ICOS: variants seen among roughly 807,000 people sequenced by gnomAD.
The protein encoded by ICOS is inducible T-cell costimulator.
ICOS carries 15 observed loss-of-function variants against 24.6 expected under a neutral mutation model. The observed-to-expected ratio is 0.61, with a 90% CI of 0.41 to 0.94. The LOEUF (loss-of-function observed/expected upper bound fraction) is 0.94, where lower values mean the gene tolerates loss of function less well. Ranked by LOEUF, ICOS falls within the 40% of genes least tolerant of loss-of-function variation. The pLI is 0.00. For missense variants in ICOS, 200 were observed against 233.0 expected, an observed-to-expected ratio of 0.86 and a Z score of 0.92; for synonymous variants, 89 against 77.5, an observed-to-expected ratio of 1.15 and a Z score of -0.78.
intron 1 of ICOS, among the ~76,000 whole-genome samples, chr2:203,938,646 C>T (rs1044569023): frequency 6.6e-6 from 1 of 152,162 alleles, no homozygotes; most frequent in East Asian, 1.9e-4. Context: ...CCAATTTGGG[C>T]AGTTCTGGTT....
At chr2:203,948,481 T>C (rs142869075) in intron 1 of ICOS, among the ~76,000 whole-genome samples, 1 of 152,352 alleles carries the variant, frequency 6.6e-6, no homozygotes, top group African/African-American at 2.4e-5. Context: ...ACCGTCTATA[T>C]ATTCATTTGT....
intron 1 of ICOS, among the ~76,000 whole-genome samples, chr2:203,943,791 A>T (rs562293533): frequency 1.3e-5 from 2 of 152,248 alleles, no homozygotes; most frequent in Admixed American, 1.3e-4. Context: ...GTCTGAGCTC[A>T]GACTCTCCTT....
At chr2:203,953,404 T>C (rs1380606537) in intron 1 of ICOS, among the ~76,000 whole-genome samples, 2 of 152,228 alleles carry the variant, frequency 1.3e-5, no homozygotes, top group African/African-American at 2.4e-5. Flanking sequence ...TTGTTCAACA[T>C]TTTTGGTTGT....
At chr2:203,940,602 G>C (rs1689749679) in intron 1 of ICOS, among the ~76,000 whole-genome samples, 1 of 151,458 alleles carries the variant, frequency 6.6e-6, no homozygotes, top group Non-Finnish European at 1.5e-5. Flanking sequence ...TTCCTCCACT[G>C]TCTGCTGGCT....
At chr2:203,945,878 G>A (rs553994372) in intron 1 of ICOS, among the ~76,000 whole-genome samples, 100 of 152,328 alleles carry the variant, frequency 6.6e-4, no homozygotes, top group Non-Finnish European at 9.6e-4. Flanking sequence ...GGAACTAGAA[G>A]TTTGGGCTGG....
Position 203,960,111 on chromosome 2 carries a change from T to C in ICOS, c.*512T>C, listed in dbSNP as rs577478606. ...AGCTATTTTATTTCTGAGATGTTGATGTGAACTGTACATTAGTACATACTC... is the reference window on the plus strand; with the variant it reads ...AGCTATTTTATTTCTGAGATGTTGACGTGAACTGTACATTAGTACATACTC... On this transcript the variant is annotated 3_prime_UTR_variant, in exon 5 of 5. Transcript: ENST00000316386. 8 of 242,842 alleles carry C rather than the reference T, an allele frequency of 3.3e-5. No homozygotes were observed. In the East Asian group the frequency reaches 5.5e-4, roughly 17 times the overall value. The allele number at this position is 242,842 out of a possible 1,614,324, so 15.0% of individuals were successfully genotyped here. A position where few individuals can be genotyped will look rare whatever the true frequency, so the allele number is the denominator to read the frequency against.
rs1690084670 is a variant in ICOS at position 203,956,761 on chromosome 2, A to G, written c.497A>G (p.Lys166Arg). ...TGCATACTTATTTGTTGGCTTACAA[A>G]AAAGGTAAGCGATTTCTATCTTTCC... ...LGCILICWLT[K>R]KKYSSSVHDP... The change falls in exon 3 of 5, where the codon AAA (lysine) becomes AGA (arginine). Residue 166 changes from lysine (K) to arginine (R), a missense_variant. Coordinates refer to ENST00000316386, the MANE Select transcript of ICOS (RefSeq NM_012092.4). 6.2e-7 allele frequency: 1 copy of G among 1,600,394 alleles called. No homozygotes were observed. Among genetic ancestry groups the G allele is most frequent in the South Asian group, 1.1e-5 (1 of 90,788 alleles).
At chr2:203,946,896 G>C (rs1689880644) in intron 1 of ICOS, among the ~76,000 whole-genome samples, 1 of 152,116 alleles carries the variant, frequency 6.6e-6, no homozygotes, top group South Asian at 2.1e-4. Context: ...GAGGTTTGTG[G>C]TTAGAAGTCT....
chr2:203,952,497 A>C (rs752406722), intron 1 of ICOS, among the ~76,000 whole-genome samples: 1 of 152,186 alleles, frequency 6.6e-6, no homozygotes, highest in African/African-American at 2.4e-5. Flanking sequence ...ATTTTCACTA[A>C]GATACATCTA....
Position 203,939,667 on chromosome 2 carries a change from C to A in ICOS, c.58+2795C>A, listed in dbSNP as rs148678823. 3.1e-3 allele frequency among the ~76,000 whole-genome samples: 469 copies of A among 152,232 alleles called. 5 individuals are homozygous for A. The highest frequency in any genetic ancestry group is 0.011 in the African/African-American group (448 of 41,526). ...AGCCCTCAAGGCCACTTTGAGCCTT[C>A]CTTTGTCACTGAGGCATTCCATTAG... On this transcript the variant is annotated intron_variant, in intron 1 of 4. Transcript: ENST00000316386.
At chr2:203,941,033 C>A (rs1689762912) in intron 1 of ICOS, among the ~76,000 whole-genome samples, 1 of 152,096 alleles carries the variant, frequency 6.6e-6, no homozygotes, top group Non-Finnish European at 1.5e-5. Context: ...ATCCGCCCAC[C>A]TCCGCCTCCG....
At chr2:203,936,989 A>G (rs1581596776) in intron 1 of ICOS, 117 bp downstream of exon 1, 1 of 757,384 alleles carries the variant, frequency 1.3e-6, no homozygotes, top group Non-Finnish European at 2.3e-6. Flanking sequence ...TGAAAGTAGG[A>G]ATAGTTTCAG....
At chr2:203,958,979 C>G (rs1690123837) in intron 4 of ICOS, among the ~76,000 whole-genome samples, 1 of 152,088 alleles carries the variant, frequency 6.6e-6, no homozygotes, top group Non-Finnish European at 1.5e-5. Flanking sequence ...GAGAGTGAGA[C>G]AGCCAACAAG....
Position 203,959,781 on chromosome 2 carries a change from T to C in ICOS, c.*182T>C. 1.4e-6 allele frequency: 1 copy of C among 691,004 alleles called. No individual in the cohort carries two copies. Among genetic ancestry groups the C allele is most frequent in the Non-Finnish European group, 2.6e-6 (1 of 384,854 alleles). The allele number at this position is 691,004 out of a possible 1,614,324, so 42.8% of individuals were successfully genotyped here. A position where few individuals can be genotyped will look rare whatever the true frequency, so the allele number is the denominator to read the frequency against. On this transcript the variant is annotated 3_prime_UTR_variant, in exon 5 of 5. Transcript: ENST00000316386. ...CAATGGGGATTTTAACAGACTGCCT[T>C]GGTACTGCCGAGTCCTCTCAAAACA...
At chr2:203,936,924 A>G in intron 1 of ICOS, 52 bp downstream of exon 1, 1 of 1,373,920 alleles carries the variant, frequency 7.3e-7, no homozygotes, top group Non-Finnish European at 1.0e-6. Context: ...AGTAAACATT[A>G]AGAAAAAGCA....
At position 203,960,043 on chromosome 2, in the gene ICOS, G is replaced by C. The variant is rs1026169950; in HGVS notation, c.*444G>C. On this transcript the variant is annotated 3_prime_UTR_variant, in exon 5 of 5. Coordinates refer to ENST00000316386, the MANE Select transcript of ICOS (RefSeq NM_012092.4). Reference sequence around the variant, plus strand: ...CTACCTCTTCTTTCTGTAGGGATGAGAATTCCTCTTTTAATCAGTCAAGGG... The same window carrying C: ...CTACCTCTTCTTTCTGTAGGGATGACAATTCCTCTTTTAATCAGTCAAGGG... The C allele has an allele frequency of 3.3e-6, 1 of 300,074 alleles. No individual in the cohort carries two copies. Among genetic ancestry groups the C allele is most frequent in the Non-Finnish European group, 6.5e-6 (1 of 153,978 alleles). 18.6% of individuals were successfully genotyped at this position (300,074 alleles called of 1,614,324 possible).
chr2:203,955,563 T>C lies in ICOS; in HGVS notation c.59-73T>C. On this transcript the variant is annotated intron_variant, in intron 1 of 4. Coordinates refer to ENST00000316386, the MANE Select transcript of ICOS (RefSeq NM_012092.4). ...CTTTATGCATTGAATAAATTGCTTTTATGTTAAAATATAATTATTAGGGCA... is the reference window on the plus strand; with the variant it reads ...CTTTATGCATTGAATAAATTGCTTTCATGTTAAAATATAATTATTAGGGCA... 6 of 1,291,786 alleles carry C rather than the reference T, an allele frequency of 4.6e-6. No homozygotes were observed. The South Asian group carries it at 6.1e-5, about 13-fold the overall frequency. 80.0% of individuals were successfully genotyped at this position (1,291,786 alleles called of 1,614,324 possible). A position where few individuals can be genotyped will look rare whatever the true frequency, so the allele number is the denominator to read the frequency against.
In ICOS at chr2:203,961,269, T is replaced by C. The variant is rs559571260; in HGVS notation, c.*1670T>C. ...CTGAACTTGTAATTTGAATCTAGTA[T>C]GGTGTTCTGTTTTCAGCTGACTTGG... On this transcript the variant is annotated 3_prime_UTR_variant, in exon 5 of 5. Coordinates refer to ENST00000316386, the MANE Select transcript of ICOS (RefSeq NM_012092.4). 6.4e-6 allele frequency: 1 copy of C among 155,776 alleles called. No individual in the cohort carries two copies. The highest frequency in any genetic ancestry group is 1.7e-4 in the East Asian group (1 of 5,750). 9.6% of individuals were successfully genotyped at this position (155,776 alleles called of 1,614,324 possible). A position where few individuals can be genotyped will look rare whatever the true frequency, so the allele number is the denominator to read the frequency against.
At chr2:203,943,948 T>C (rs1325473435) in intron 1 of ICOS, among the ~76,000 whole-genome samples, 1 of 152,056 alleles carries the variant, frequency 6.6e-6, no homozygotes, top group Admixed American at 6.5e-5. Context: ...ACAGGTCTCA[T>C]CCAGATCCCA....
Sources: gnomAD v4.1 joint callset for allele counts (sites outside exome capture counted in the v4.1 genomes callset) on GRCh38, gnomAD v4.1.1 for gene constraint, MANE v1.5 for transcripts, NCBI Gene and HGNC (gene_info 2026-07-23, HGNC 2026-07-21) for gene names.